Variants in CSMD1 observed in about 807,000 individuals in gnomAD.
The protein encoded by CSMD1 is CUB and Sushi multiple domains 1.
In CSMD1, 213 loss-of-function variants were observed where a neutral mutation model predicts 417.5. The observed-to-expected ratio is 0.51, with a 90% CI of 0.46 to 0.57. The LOEUF is 0.57. Ranked by LOEUF, CSMD1 falls within the 20% of genes least tolerant of loss-of-function variation. The probability of loss-of-function intolerance (pLI) is 0.00; values close to 1 mark genes in which losing one functional copy is unlikely to be tolerated. For synonymous variants in CSMD1, 2,862 were observed against 1,736.8 expected (o/e 1.65, Z -16.11); for missense variants, 6,923 against 4,529.7 (o/e 1.53, Z -15.17).
At chr8:3,280,419 T>C (rs547521935) in intron 26 of CSMD1, among the ~76,000 whole-genome samples, 1 of 152,332 alleles carries the variant, frequency 6.6e-6, no homozygotes, top group South Asian at 2.1e-4. Flanking sequence ...GCTTTTTAAA[T>C]GTTGTACCAC....
At chr8:3,876,591 G>T (rs1805839606) in intron 5 of CSMD1, among the ~76,000 whole-genome samples, 1 of 152,192 alleles carries the variant, frequency 6.6e-6, no homozygotes, top group Non-Finnish European at 1.5e-5. Flanking sequence ...TTTTTATCAT[G>T]CTTCATGGTA....
chr8:3,181,625 T>C (rs1821332690), intron 36 of CSMD1, among the ~76,000 whole-genome samples: 1 of 152,218 alleles, frequency 6.6e-6, no homozygotes, highest in South Asian at 2.1e-4. Flanking sequence ...TGATCTGACA[T>C]ATCCTTCAGA....
intron 23 of CSMD1, among the ~76,000 whole-genome samples, chr8:3,319,821 T>C (rs1286021240): frequency 6.6e-6 from 1 of 152,222 alleles, no homozygotes; most frequent in African/African-American, 2.4e-5. Flanking sequence ...CACATAATTT[T>C]AATTTTCATT....
intron 3 of CSMD1, among the ~76,000 whole-genome samples, chr8:4,037,599 G>A (rs892065055): frequency 5.2e-5 from 6 of 114,876 alleles, no homozygotes; most frequent in Admixed American, 4.5e-4. Flanking sequence ...GCAATGGAAA[G>A]GAGAATGGAC....
At chr8:3,730,509 G>A (rs552865978) in intron 6 of CSMD1, among the ~76,000 whole-genome samples, 2 of 152,064 alleles carry the variant, frequency 1.3e-5, no homozygotes, top group South Asian at 4.2e-4. Flanking sequence ...TGCTGATTTG[G>A]CCCCAGGTTA....
At chr8:3,535,071 C>T (rs1798136915) in intron 10 of CSMD1, among the ~76,000 whole-genome samples, 1 of 152,100 alleles carries the variant, frequency 6.6e-6, no homozygotes, top group Non-Finnish European at 1.5e-5. Context: ...CCTCAGCCTA[C>T]TGAGTAGTTG....
intron 3 of CSMD1, among the ~76,000 whole-genome samples, chr8:4,389,588 A>C (rs1307307645): frequency 6.6e-6 from 1 of 152,202 alleles, no homozygotes; most frequent in Non-Finnish European, 1.5e-5. Flanking sequence ...TAAGAAATAA[A>C]ACATTTCAAG....
In CSMD1 at chr8:4,636,539, G is replaced by A. The variant is rs1263012906; in HGVS notation, c.302+803C>T. Among the ~76,000 whole-genome samples, 6 of 152,186 alleles carry A rather than the reference G, an allele frequency of 3.9e-5. No individual in the cohort carries two copies. The Middle Eastern group carries it at 0.02, about 518-fold the overall frequency. The stretch of plus-strand genomic sequence containing the variant: ...ATAAGGGTTCATTTTGTTCTGATTA[G>A]CTGAATTGTACTCAAGAATTTATCT... On this transcript the variant is annotated intron_variant, in intron 2 of 69. Coordinates refer to ENST00000635120, the MANE Select transcript of CSMD1 (RefSeq NM_033225.6).
At chr8:4,544,643 G>T (rs1042764529) in intron 2 of CSMD1, among the ~76,000 whole-genome samples, 1 of 152,092 alleles carries the variant, frequency 6.6e-6, no homozygotes, top group Non-Finnish European at 1.5e-5. Context: ...AACTATAGTT[G>T]GTAAGATGCA....
intron 5 of CSMD1, among the ~76,000 whole-genome samples, chr8:3,935,932 G>A (rs1810462414): frequency 6.6e-6 from 1 of 152,140 alleles, no homozygotes; most frequent in African/African-American, 2.4e-5. Flanking sequence ...GCACTAAACA[G>A]TGAGCCAAGC....
chr8:3,732,710 C>T (rs1796330964), intron 6 of CSMD1, among the ~76,000 whole-genome samples: 1 of 152,002 alleles, frequency 6.6e-6, no homozygotes, highest in African/African-American at 2.4e-5. Context: ...GTAAAAAATG[C>T]CCCAGATGAA....
intron 3 of CSMD1, among the ~76,000 whole-genome samples, chr8:4,200,127 T>A (rs956623027): frequency 6.6e-6 from 1 of 152,196 alleles, no homozygotes; most frequent in Non-Finnish European, 1.5e-5. Context: ...CTGAATGAGA[T>A]TTCCTTCCTT....
intron 3 of CSMD1, among the ~76,000 whole-genome samples, chr8:4,213,461 G>C (rs537569303): frequency 6.6e-6 from 1 of 152,154 alleles, no homozygotes; most frequent in Non-Finnish European, 1.5e-5. Flanking sequence ...ACAGTTGCCC[G>C]GATACTGGCC....
rs377409143 is a variant in CSMD1 at position 3,387,621 on chromosome 8, G to A, written c.2655C>T (p.His885=). Residue 885 remains histidine (H), a synonymous_variant, in exon 18 of 70, where the codon CAC becomes CAT. Transcript: ENST00000635120. ...DPGIPVNGHR[H]GGDFGIRSTV... Reference sequence around the variant, plus strand: ...TGGACCTGATGCCAAAGTCTCCACCGTGGCGATGGCCGTTCACAGGGATGC... The same window carrying A: ...TGGACCTGATGCCAAAGTCTCCACCATGGCGATGGCCGTTCACAGGGATGC... 1.0e-5 allele frequency: 16 copies of A among 1,600,884 alleles called. No individual in the cohort carries two copies. Among genetic ancestry groups the A allele is most frequent in the Admixed American group, 1.7e-5 (1 of 58,316 alleles).
intron 10 of CSMD1, among the ~76,000 whole-genome samples, chr8:3,520,158 C>T (rs1797448029): frequency 6.6e-6 from 1 of 151,436 alleles, no homozygotes; most frequent in Non-Finnish European, 1.5e-5. Flanking sequence ...TGTTAAGAAA[C>T]CAGAACCGAG....
chr8:4,190,481 A>C (rs1798957216), intron 3 of CSMD1, among the ~76,000 whole-genome samples: 1 of 152,004 alleles, frequency 6.6e-6, no homozygotes, highest in Non-Finnish European at 1.5e-5. Context: ...GTATTTCGTA[A>C]GTTAACCAAG....
chr8:4,136,799 G>C (rs192754591), intron 3 of CSMD1, among the ~76,000 whole-genome samples: 51 of 152,270 alleles, frequency 3.3e-4, no homozygotes, highest in African/African-American at 1.2e-3. Flanking sequence ...TCAATAATTT[G>C]TAAGATTGTG....
intron 5 of CSMD1, among the ~76,000 whole-genome samples, chr8:3,972,619 C>T (rs1813164327): frequency 6.6e-6 from 1 of 152,108 alleles, no homozygotes; most frequent in African/African-American, 2.4e-5. Context: ...TACTACTAAG[C>T]CATTTGCTTA....
intron 41 of CSMD1, among the ~76,000 whole-genome samples, chr8:3,136,226 A>G (rs1359594328): frequency 6.6e-5 from 10 of 151,568 alleles, no homozygotes; most frequent in African/African-American, 2.2e-4. Context: ...TATGTGTTGC[A>G]GAGAGGACAA....
Sources: allele counts gnomAD v4.1 joint callset (sites outside exome capture counted in the v4.1 genomes callset), GRCh38; gene constraint gnomAD v4.1.1; transcripts MANE v1.5; gene names NCBI Gene and HGNC (gene_info 2026-07-23, HGNC 2026-07-21).